The following ZNF251 variants were observed in gnomAD, a reference collection of about 807,000 sequenced individuals.
The protein encoded by ZNF251 is zinc finger protein 251.
Under a neutral mutation model 13.5 loss-of-function variants are expected in ZNF251, and 14 were observed. The observed-to-expected ratio is 1.04, with a 90% CI of 0.69 to 1.63. The LOEUF (loss-of-function observed/expected upper bound fraction) is 1.63. ZNF251 is among the 40% of genes most tolerant of loss of function. ZNF251 has a pLI of 0.00. For synonymous variants in ZNF251, 287 were observed against 295.2 expected, an observed-to-expected ratio of 0.97 and a Z score of 0.28; for missense variants, 764 against 834.9, an observed-to-expected ratio of 0.92 and a Z score of 1.05.
chr8:144,740,379 G>A (rs895510685), intron 4 of ZNF251, among the ~76,000 whole-genome samples: 3 of 151,994 alleles, frequency 2.0e-5, no homozygotes, highest in Non-Finnish European at 4.4e-5. Context: ...GCTCATGCCC[G>A]TAATCCCAGC....
chr8:144,754,284 AAG>A lies in ZNF251; in HGVS notation c.69_70del (p.Phe24LeufsTer36). 6.2e-7 allele frequency: 1 copy of A among 1,613,042 alleles called. No individual in the cohort carries two copies. The highest frequency in any genetic ancestry group is 8.5e-7 in the Non-Finnish European group (1 of 1,179,518). ...CAGCTGCCGCCCCTCCGCCTGAGAG[AAG>A]TACACGGCCACATCCTGGAAGGTCA... On this transcript the variant is annotated frameshift_variant, in exon 3 of 5. Coordinates refer to ENST00000292562, the MANE Select transcript of ZNF251 (RefSeq NM_138367.2). LOFTEE classifies it high-confidence loss of function.
intron 4 of ZNF251, among the ~76,000 whole-genome samples, chr8:144,751,716 A>G (rs1165234762): frequency 1.3e-5 from 2 of 152,240 alleles, no homozygotes; most frequent in Admixed American, 1.3e-4. Flanking sequence ...CCTGAACCAT[A>G]TAAACAATTA....
intron 4 of ZNF251, among the ~76,000 whole-genome samples, chr8:144,744,389 C>T (rs1242361337): frequency 2.6e-5 from 4 of 152,138 alleles, no homozygotes; most frequent in African/African-American, 9.7e-5. Context: ...CATTGTCAAA[C>T]CAAGGTCACC....
chr8:144,732,398 T>G (rs1352583362), intron 4 of ZNF251, among the ~76,000 whole-genome samples: 1 of 152,226 alleles, frequency 6.6e-6, no homozygotes, highest in Non-Finnish European at 1.5e-5. Flanking sequence ...CCAAATTTGA[T>G]GTATGTCTGA....
Position 144,722,185 on chromosome 8 carries a change from C to T in ZNF251, c.1475G>A (p.Gly492Asp), listed in dbSNP as rs750855512. The T allele has an allele frequency of 6.2e-7, 1 of 1,613,584 alleles. No homozygotes were observed. The highest frequency in any genetic ancestry group is 1.1e-5 in the South Asian group (1 of 91,032). The change falls in exon 5 of 5, where the codon GGT (glycine) becomes GAT (aspartate). Residue 492 changes from glycine to aspartate, a missense_variant. Transcript: ENST00000292562. The surrounding 1 kb of genome is among the most constrained non-coding windows in gnomAD (Gnocchi z 4.8). Reference protein sequence around the residue: ...VHTGEKPYDCGDCGKAFSRRS... With the variant: ...VHTGEKPYDCDDCGKAFSRRS... ...CCGGCTGAAGGCCTTCCCACAGTCA[C>T]CACAGTCATAGGGCTTCTCTCCAGT...
Position 144,721,938 on chromosome 8 carries a change from A to G in ZNF251, c.1722T>C (p.Ala574=). The G allele has an allele frequency of 6.6e-7, 1 of 1,516,164 alleles. No individual in the cohort carries two copies. Among genetic ancestry groups the G allele is most frequent in the South Asian group, 1.3e-5 (1 of 74,620 alleles). 93.9% of individuals were successfully genotyped at this position (1,516,164 alleles called of 1,614,324 possible). ...KSFGCNEYGK[A]FSPTSRPTED... is the part of the protein sequence containing the mutation. ...CAGTGGGTCGTGAGGTGGGACTGAAAGCTTTTCCATATTCATTACATCCAA... is the reference window on the plus strand; with the variant it reads ...CAGTGGGTCGTGAGGTGGGACTGAAGGCTTTTCCATATTCATTACATCCAA... The change falls in exon 5 of 5, where the codon GCT becomes GCC. Residue 574 remains alanine, a synonymous_variant. Coordinates refer to ENST00000292562, the MANE Select transcript of ZNF251 (RefSeq NM_138367.2).
intron 4 of ZNF251, among the ~76,000 whole-genome samples, chr8:144,747,049 C>T (rs1824461334): frequency 1.3e-5 from 2 of 152,106 alleles, no homozygotes; most frequent in East Asian, 3.8e-4. Context: ...AGAGTGAAAG[C>T]TTACATTATG....
chr8:144,730,807 C>G (rs1823671266), intron 4 of ZNF251, among the ~76,000 whole-genome samples: 1 of 152,250 alleles, frequency 6.6e-6, no homozygotes, highest in Non-Finnish European at 1.5e-5. Context: ...CTCGAAACTT[C>G]TAATGCAGGG....
At chr8:144,726,840 A>C (rs1008900325) in intron 4 of ZNF251, among the ~76,000 whole-genome samples, 12 of 152,180 alleles carry the variant, frequency 7.9e-5, no homozygotes, top group Non-Finnish European at 1.2e-4. Flanking sequence ...ACTGCACTCC[A>C]GCCTGGGCAA....
At position 144,721,926 on chromosome 8, in the gene ZNF251, G is replaced by A. The variant is rs1300344699; in HGVS notation, c.1734C>T (p.Thr578=). ...TTATCTGATCTTCAGTGGGTCGTGA[G>A]GTGGGACTGAAAGCTTTTCCATATT... ...CNEYGKAFSP[T]SRPTEDQIMH... Residue 578 remains threonine (T), a synonymous_variant, in exon 5 of 5, where the codon ACC becomes ACT. Coordinates refer to ENST00000292562, the MANE Select transcript of ZNF251 (RefSeq NM_138367.2). 2.0e-6 allele frequency: 3 copies of A among 1,515,794 alleles called. No homozygotes were observed. Among genetic ancestry groups the A allele is most frequent in the Non-Finnish European group, 2.7e-6 (3 of 1,131,804 alleles). 93.9% of individuals were successfully genotyped at this position (1,515,794 alleles called of 1,614,324 possible).
intron 4 of ZNF251, 59 bp downstream of exon 4, chr8:144,753,624 A>G (rs1032132530): frequency 7.1e-7 from 1 of 1,401,400 alleles, no homozygotes; most frequent in African/African-American, 1.4e-5. Flanking sequence ...CCTCGCTTGG[A>G]GCCTCTTAAG....
intron 4 of ZNF251, among the ~76,000 whole-genome samples, chr8:144,753,151 T>G (rs940175463): frequency 1.3e-5 from 2 of 151,638 alleles, no homozygotes; most frequent in Admixed American, 6.6e-5. Context: ...GACATGTGCC[T>G]GTAGTCCTAG....
intron 4 of ZNF251, among the ~76,000 whole-genome samples, chr8:144,747,511 TG>T (rs555584042): frequency 7.7e-4 from 117 of 152,394 alleles, no homozygotes; most frequent in African/African-American, 2.7e-3. Flanking sequence ...TGCATCCTGC[TG>T]GATCTGTCCA....
At chr8:144,737,446 G>A (rs953118186) in intron 4 of ZNF251, among the ~76,000 whole-genome samples, 2 of 151,932 alleles carry the variant, frequency 1.3e-5, no homozygotes, top group Admixed American at 6.6e-5. Context: ...GGTGGAGCTT[G>A]CAGTCAGAGT....
At chr8:144,737,445 T>C (rs1030049638) in intron 4 of ZNF251, among the ~76,000 whole-genome samples, 8 of 151,656 alleles carry the variant, frequency 5.3e-5, no homozygotes, top group South Asian at 4.2e-4. Flanking sequence ...AGGTGGAGCT[T>C]GCAGTCAGAG....
intron 4 of ZNF251, among the ~76,000 whole-genome samples, chr8:144,747,449 C>T (rs1563769064): frequency 6.6e-6 from 1 of 152,232 alleles, no homozygotes; most frequent in Non-Finnish European, 1.5e-5. Context: ...AAGCAGTCTA[C>T]AGATGTAAAT....
chr8:144,725,922 C>T (rs571130899), intron 4 of ZNF251, among the ~76,000 whole-genome samples: 24 of 152,192 alleles, frequency 1.6e-4, no homozygotes, highest in African/African-American at 5.1e-4. Flanking sequence ...GTTAGGCTGG[C>T]GTGGTGGCTC....
Position 144,755,495 on chromosome 8 carries a change from G to A in ZNF251, c.-166C>T. On this transcript the variant is annotated 5_prime_UTR_variant, in exon 1 of 5. Transcript: ENST00000292562. ...GGAACGGACCCTCCCACAGAACCGG[G>A]TCCAGAGCCGGGGAGGGGGCGGGCT... 2 of 1,286,892 alleles carry A rather than the reference G, an allele frequency of 1.6e-6. No individual in the cohort carries two copies. The highest frequency in any genetic ancestry group is 2.5e-5 in the South Asian group (2 of 80,846). The allele number at this position is 1,286,892 out of a possible 1,614,324, so 79.7% of individuals were successfully genotyped here. A position where few individuals can be genotyped will look rare whatever the true frequency, so the allele number is the denominator to read the frequency against.
chr8:144,738,114 G>A (rs1472209773), intron 4 of ZNF251, among the ~76,000 whole-genome samples: 3 of 152,056 alleles, frequency 2.0e-5, no homozygotes, highest in Non-Finnish European at 2.9e-5. Context: ...CCTCTCAGTG[G>A]GGAGGCTCCA....
Sources: allele counts gnomAD v4.1 joint callset (sites outside exome capture counted in the v4.1 genomes callset), GRCh38; gene constraint gnomAD v4.1.1; non-coding constraint Gnocchi (gnomAD v3.1); transcripts MANE v1.5; gene names NCBI Gene and HGNC (gene_info 2026-07-23, HGNC 2026-07-21).